The following GRM5 variants were observed in gnomAD, a reference collection of about 807,000 sequenced individuals.
The protein encoded by GRM5 is metabotropic glutamate receptor 5.
In GRM5, 19 loss-of-function variants were observed where a neutral mutation model predicts 83.1. The ratio of observed to expected loss-of-function variants is 0.23; its 90% CI spans 0.16 to 0.34. The LOEUF is 0.34. GRM5 is among the 10% of genes least tolerant of loss of function. The pLI, the probability that GRM5 is intolerant of heterozygous loss-of-function variation, is 1.00. For synonymous variants in GRM5, 675 were observed against 633.6 expected, an observed-to-expected ratio of 1.07 and a Z score of -0.98; for missense variants, 1,160 against 1,588.3, an observed-to-expected ratio of 0.73 and a Z score of 4.58.
intron 2 of GRM5, among the ~76,000 whole-genome samples, chr11:89,040,016 C>T (rs1166993994): frequency 6.6e-6 from 1 of 151,914 alleles, no homozygotes; most frequent in Non-Finnish European, 1.5e-5. Flanking sequence ...TATTATGTTG[C>T]CCACCCTATG....
chr11:88,754,487 A>G (rs921330639), intron 3 of GRM5, among the ~76,000 whole-genome samples: 1 of 152,166 alleles, frequency 6.6e-6, no homozygotes, highest in Non-Finnish European at 1.5e-5. Context: ...TATTGACTCT[A>G]TCAATCAGGT....
chr11:88,722,908 T>C (rs1264462906), intron 3 of GRM5, among the ~76,000 whole-genome samples: 1 of 152,090 alleles, frequency 6.6e-6, no homozygotes, highest in East Asian at 1.9e-4. Context: ...TCACTCTGTG[T>C]TGTACATGCT....
At chr11:88,964,123 T>C (rs751114750) in intron 2 of GRM5, among the ~76,000 whole-genome samples, 9 of 152,140 alleles carry the variant, frequency 5.9e-5, no homozygotes, top group Middle Eastern at 3.2e-3. Flanking sequence ...AAAAAGTGAA[T>C]TGATTTTGTA....
intron 8 of GRM5, among the ~76,000 whole-genome samples, chr11:88,551,368 C>G (rs1173756803): frequency 6.6e-6 from 1 of 152,128 alleles, no homozygotes; most frequent in African/African-American, 2.4e-5. Flanking sequence ...TGACTTCATT[C>G]TTGGTCTCTT....
At chr11:88,913,780 T>A (rs1271977416) in intron 2 of GRM5, among the ~76,000 whole-genome samples, 2 of 152,028 alleles carry the variant, frequency 1.3e-5, no homozygotes, top group Non-Finnish European at 2.9e-5. Context: ...AGATATGGGA[T>A]ATCACCATGT....
At chr11:88,781,508 A>G (rs189478024) in intron 3 of GRM5, among the ~76,000 whole-genome samples, 2 of 152,302 alleles carry the variant, frequency 1.3e-5, no homozygotes, top group Admixed American at 1.3e-4. Flanking sequence ...TAAAGGAGGC[A>G]AAGGCACGGT....
At chr11:89,048,978 AG>A (rs960120353) in intron 1 of GRM5, among the ~76,000 whole-genome samples, 2 of 152,196 alleles carry the variant, frequency 1.3e-5, no homozygotes, top group African/African-American at 4.8e-5. Context: ...ACGCTTTACA[AG>A]TTAAAAAGTG....
intron 2 of GRM5, among the ~76,000 whole-genome samples, chr11:88,868,449 G>A (rs920806893): frequency 6.6e-6 from 1 of 151,700 alleles, no homozygotes; most frequent in Non-Finnish European, 1.5e-5. Context: ...GCTTATATCA[G>A]AGCCTGACAT....
Position 88,624,367 on chromosome 11 carries a change from T to A in GRM5, c.1148-19403A>T, listed in dbSNP as rs183169033. On this transcript the variant is annotated intron_variant, in intron 4 of 9. Transcript: ENST00000305447. ...GAATCACCAGATGAATTTTCTTCCT[T>A]TTCTTGTCTGCTGAATAAACTTAAT... Among the ~76,000 whole-genome samples the A allele has an allele frequency of 8.5e-4, 130 of 152,332 alleles. No homozygotes were observed. In the Middle Eastern group the frequency reaches 0.014, roughly 16 times the overall value.
intron 3 of GRM5, among the ~76,000 whole-genome samples, chr11:88,700,256 T>G (rs976428480): frequency 6.6e-6 from 1 of 152,126 alleles, no homozygotes; most frequent in Non-Finnish European, 1.5e-5. Context: ...TTAAGGTTTA[T>G]CAGAGACCAT....
chr11:89,040,932 C>T lies in GRM5; in HGVS notation c.661+6280G>A, dbSNP rs200205201. On this transcript the variant is annotated intron_variant, in intron 2 of 9. Transcript: ENST00000305447. The stretch of plus-strand genomic sequence containing the variant: ...TTTATGTTGGGCAGAATTTACTGTG[C>T]ATAATTTGCTTTTCATTCTGTGTTT... Among the ~76,000 whole-genome samples the T allele has an allele frequency of 2.0e-5, 3 of 152,160 alleles. No homozygotes were observed. In the East Asian group the frequency reaches 5.8e-4, roughly 29 times the overall value.
At chr11:88,632,010 A>G (rs1186325050) in intron 4 of GRM5, among the ~76,000 whole-genome samples, 1 of 152,190 alleles carries the variant, frequency 6.6e-6, no homozygotes, top group Admixed American at 6.5e-5. Context: ...GACATAGAAT[A>G]AACTGCACAT....
chr11:88,668,772 G>GA (rs1447912895), intron 3 of GRM5, among the ~76,000 whole-genome samples: 6 of 152,154 alleles, frequency 3.9e-5, no homozygotes, highest in Non-Finnish European at 8.8e-5. Context: ...TTGCAGAACT[G>GA]AAACTTTGTA....
At chr11:88,604,684 C>A (rs754183944) in intron 5 of GRM5, 34 bp downstream of exon 5, 2 of 1,555,318 alleles carry the variant, frequency 1.3e-6, no homozygotes, top group South Asian at 2.2e-5. Flanking sequence ...GTTATTCAGT[C>A]TCTACTCTGC....
intron 1 of GRM5, among the ~76,000 whole-genome samples, chr11:89,053,008 T>C (rs866764684): frequency 6.6e-6 from 1 of 152,178 alleles, no homozygotes; most frequent in Non-Finnish European, 1.5e-5. Context: ...TTTAACTATT[T>C]CTTGCTGCCT....
chr11:88,954,368 C>CGA (rs1938546106), intron 2 of GRM5, among the ~76,000 whole-genome samples: 1 of 32,316 alleles, frequency 3.1e-5, no homozygotes, highest in Non-Finnish European at 3.0e-4. Context: ...AGAGAGAATG[C>CGA]TAAAGTGTTT....
At chr11:88,856,252 T>C (rs1228094508) in intron 2 of GRM5, among the ~76,000 whole-genome samples, 1 of 152,140 alleles carries the variant, frequency 6.6e-6, no homozygotes, top group East Asian at 1.9e-4. Context: ...TTTTCTTTCC[T>C]TATGTCCTTA....
chr11:88,851,974 T>C (rs1032569835), intron 2 of GRM5, among the ~76,000 whole-genome samples: 1 of 152,228 alleles, frequency 6.6e-6, no homozygotes, highest in Non-Finnish European at 1.5e-5. Flanking sequence ...GTGAGTAATC[T>C]ATTATTCTTT....
At chr11:88,822,865 C>A (rs1565247906) in intron 3 of GRM5, among the ~76,000 whole-genome samples, 1 of 151,512 alleles carries the variant, frequency 6.6e-6, no homozygotes, top group Non-Finnish European at 1.5e-5. Context: ...GGTATCTTTT[C>A]TTTCTCTCCA....
Sources: gnomAD v4.1 joint callset for allele counts (sites outside exome capture counted in the v4.1 genomes callset) on GRCh38, gnomAD v4.1.1 for gene constraint, MANE v1.5 for transcripts, NCBI Gene and HGNC (gene_info 2026-07-23, HGNC 2026-07-21) for gene names.